PIK3C2G: variants seen among roughly 807,000 people sequenced by gnomAD.
The protein encoded by PIK3C2G is phosphatidylinositol 3-kinase C2 domain-containing subunit gamma.
In PIK3C2G, 168 loss-of-function variants were observed where a neutral mutation model predicts 181.1. The observed-to-expected ratio is 0.93, with a 90% CI of 0.82 to 1.05. The LOEUF (loss-of-function observed/expected upper bound fraction) is 1.05, where lower values mean the gene tolerates loss of function less well. Among genes scored for constraint, PIK3C2G ranks in the 50% least tolerant of loss-of-function variants. PIK3C2G has a pLI of 0.00. For missense variants in PIK3C2G, 1,869 were observed against 1,732.8 expected (o/e 1.08, Z -1.40); for synonymous variants, 573 against 592.2 (o/e 0.97, Z 0.47).
intron 18 of PIK3C2G, among the ~76,000 whole-genome samples, chr12:18,460,648 A>ATATATATATG (rs1184853646): frequency 2.7e-5 from 4 of 148,736 alleles, no homozygotes; most frequent in Non-Finnish European, 5.9e-5. Context: ...ATATATATAT[A>ATATATATATG]GCACTTAGCA....
chr12:18,687,994 T>G, the PIK3C2G span: 1 of 1,515,494 alleles, frequency 6.6e-7, no homozygotes, highest in Non-Finnish European at 9.0e-7. Context: ...GTCTTATGAA[T>G]AATAAATATG....
the PIK3C2G span, chr12:18,683,485 A>G: frequency 2.7e-6 from 4 of 1,480,622 alleles, no homozygotes; most frequent in Non-Finnish European, 3.7e-6. Flanking sequence ...CAAAAATTAA[A>G]TATTTGCATT....
At position 18,332,505 on chromosome 12, in the gene PIK3C2G, C is replaced by G. The variant is rs1938080331; in HGVS notation, c.1273-5921C>G. 2.0e-5 allele frequency among the ~76,000 whole-genome samples: 3 copies of G among 152,168 alleles called. No homozygotes were observed. In the South Asian group the frequency reaches 6.2e-4, roughly 32 times the overall value. Reference sequence around the variant, plus strand: ...AACTCTGCCTTATATCTGTGTCGTTCACAGTAAACGAGAGTTTATTGCTCC... The same window carrying G: ...AACTCTGCCTTATATCTGTGTCGTTGACAGTAAACGAGAGTTTATTGCTCC... On this transcript the variant is annotated intron_variant, in intron 8 of 32. Transcript: ENST00000538779.
At chr12:18,401,963 G>A (rs1944270835) in intron 16 of PIK3C2G, among the ~76,000 whole-genome samples, 1 of 152,090 alleles carries the variant, frequency 6.6e-6, no homozygotes, top group African/African-American at 2.4e-5. Flanking sequence ...AAAACAGTGT[G>A]ACAGTTTCTT....
chr12:18,393,576 T>C (rs1022791843), intron 15 of PIK3C2G, among the ~76,000 whole-genome samples: 1 of 152,070 alleles, frequency 6.6e-6, no homozygotes, highest in African/African-American at 2.4e-5. Context: ...CTTCCAAATC[T>C]AAAGACCCCA....
chr12:18,391,289 G>A, intron 15 of PIK3C2G, 37 bp downstream of exon 15: 1 of 1,495,172 alleles, frequency 6.7e-7, no homozygotes, highest in Non-Finnish European at 9.0e-7. Flanking sequence ...ATTTTTGCCT[G>A]CTGTTTATGA....
chr12:18,403,112 C>G (rs772559188), intron 16 of PIK3C2G, among the ~76,000 whole-genome samples: 1 of 152,012 alleles, frequency 6.6e-6, no homozygotes, highest in African/African-American at 2.4e-5. Flanking sequence ...CTATCCTAAA[C>G]GGTTTTTTAA....
At chr12:18,251,357 C>G (rs545006878) in intron 1 of PIK3C2G, among the ~76,000 whole-genome samples, 1 of 152,102 alleles carries the variant, frequency 6.6e-6, no homozygotes, top group African/African-American at 2.4e-5. Context: ...CATTTATATA[C>G]TGGGAGCTTT....
chr12:18,546,932 A>T (rs1243566349), intron 26 of PIK3C2G, among the ~76,000 whole-genome samples: 1 of 152,034 alleles, frequency 6.6e-6, no homozygotes, highest in Non-Finnish European at 1.5e-5. Flanking sequence ...GCAGAATATG[A>T]TGAATATCAG....
intron 18 of PIK3C2G, among the ~76,000 whole-genome samples, chr12:18,451,205 T>A (rs567642538): frequency 6.6e-6 from 1 of 152,228 alleles, no homozygotes; most frequent in Non-Finnish European, 1.5e-5. Context: ...TTCCTATCCA[T>A]GAGCATGGAA....
chr12:18,300,399 T>A (rs780396375), intron 5 of PIK3C2G, among the ~76,000 whole-genome samples: 2 of 152,040 alleles, frequency 1.3e-5, no homozygotes, highest in Non-Finnish European at 2.9e-5. Context: ...TTGTATTGTT[T>A]TTCACTTAAG....
chr12:18,588,600 G>T (rs2136460577), intron 29 of PIK3C2G, among the ~76,000 whole-genome samples: 1 of 152,216 alleles, frequency 6.6e-6, no homozygotes. Context: ...AACAGGTGCT[G>T]GAGAGGTTAT....
At chr12:18,292,224 AAAAATATATAT>A (rs1258594407) in intron 4 of PIK3C2G, among the ~76,000 whole-genome samples, 1 of 105,808 alleles carries the variant, frequency 9.5e-6, no homozygotes, top group South Asian at 3.0e-4. Flanking sequence ...AAAAAAAAAA[AAAAATATATAT>A]ATATATATAT....
At position 18,603,707 on chromosome 12, in the gene PIK3C2G, G is replaced by A. The variant is rs565687058; in HGVS notation, c.4088-5828G>A. On this transcript the variant is annotated intron_variant, in intron 30 of 32. Transcript: ENST00000538779. Reference sequence around the variant, plus strand: ...ACCCTACAAGCTAGAAAGCATTTGGGCCCTATATTCAGCCTCCTAAAACAA... The same window carrying A: ...ACCCTACAAGCTAGAAAGCATTTGGACCCTATATTCAGCCTCCTAAAACAA... 2.6e-5 allele frequency among the ~76,000 whole-genome samples: 4 copies of A among 152,094 alleles called. No individual in the cohort carries two copies. The East Asian group carries it at 7.7e-4, about 29-fold the overall frequency.
intron 31 of PIK3C2G, among the ~76,000 whole-genome samples, chr12:18,636,972 T>C (rs146719392): frequency 1.3e-5 from 2 of 152,262 alleles, no homozygotes; most frequent in East Asian, 3.9e-4. Context: ...CCTTCCAGAA[T>C]TGAAGAAGTA....
intron 32 of PIK3C2G, among the ~76,000 whole-genome samples, chr12:18,640,757 AT>A (rs1949801926): frequency 1.3e-5 from 2 of 152,178 alleles, no homozygotes; most frequent in African/African-American, 4.8e-5. Context: ...CAAAGCTCTT[AT>A]AAACCAATTT....
intron 1 of PIK3C2G, among the ~76,000 whole-genome samples, chr12:18,253,188 A>G (rs1336218424): frequency 1.3e-5 from 2 of 152,220 alleles, no homozygotes; most frequent in Non-Finnish European, 2.9e-5. Context: ...TGTTATGGGA[A>G]AGAAGGAAAA....
intron 29 of PIK3C2G, among the ~76,000 whole-genome samples, chr12:18,579,269 G>C (rs1360504503): frequency 6.6e-6 from 1 of 152,102 alleles, no homozygotes; most frequent in African/African-American, 2.4e-5. Context: ...ACAGTGAGTG[G>C]AAAAATGGAA....
intron 30 of PIK3C2G, among the ~76,000 whole-genome samples, chr12:18,602,787 T>C (rs1947806251): frequency 6.6e-6 from 1 of 152,028 alleles, no homozygotes; most frequent in Admixed American, 6.6e-5. Flanking sequence ...ATCACTGCAC[T>C]TCAGCTCACT....
Sources: gnomAD v4.1 joint callset for allele counts (sites outside exome capture counted in the v4.1 genomes callset) on GRCh38, gnomAD v4.1.1 for gene constraint, MANE v1.5 for transcripts, NCBI Gene and HGNC (gene_info 2026-07-23, HGNC 2026-07-21) for gene names.